Variants in TBCK observed in about 807,000 individuals in gnomAD.
TBCK encodes the protein TBC1 domain containing kinase.
A neutral mutation model predicts 113.4 loss-of-function variants in TBCK; 99 were observed. The ratio of observed to expected loss-of-function variants is 0.87; its 90% CI spans 0.74 to 1.03. TBCK has a LOEUF of 1.03. Ranked by LOEUF, TBCK falls within the 50% of genes least tolerant of loss-of-function variation. The probability of loss-of-function intolerance (pLI) is 0.00; values close to 1 mark genes in which losing one functional copy is unlikely to be tolerated. For synonymous variants in TBCK, 369 were observed against 370.8 expected, an observed-to-expected ratio of 1.00 and a Z score of 0.05; for missense variants, 1,045 against 1,061.3, an observed-to-expected ratio of 0.98 and a Z score of 0.21.
At chr4:106,061,773 C>T (rs535563797) in intron 25 of TBCK, among the ~76,000 whole-genome samples, 93 of 151,666 alleles carry the variant, frequency 6.1e-4, no homozygotes, top group African/African-American at 2.2e-3. Context: ...TTAATCACTC[C>T]TTTTATAGGA....
chr4:106,214,069 C>T lies in TBCK; in HGVS notation c.1775-1234G>A, dbSNP rs576146185. Reference sequence around the variant, plus strand: ...AAGTGGGTCCCTGACCCCTGACCCCCGAGCAGCCTAACTGGGAGGCACCCT... The same window carrying T: ...AAGTGGGTCCCTGACCCCTGACCCCTGAGCAGCCTAACTGGGAGGCACCCT... On this transcript the variant is annotated intron_variant, in intron 19 of 25. Transcript: ENST00000394708. 1.2e-3 allele frequency among the ~76,000 whole-genome samples: 186 copies of T among 152,164 alleles called. 1 individual carries two copies. The highest frequency in any genetic ancestry group is 4.1e-3 in the African/African-American group (170 of 41,488).
intron 19 of TBCK, among the ~76,000 whole-genome samples, chr4:106,224,380 C>T (rs1180116398): frequency 6.6e-6 from 1 of 151,644 alleles, no homozygotes; most frequent in Non-Finnish European, 1.5e-5. Context: ...TCCGGAAAGG[C>T]AATTCAAAGA....
At chr4:106,165,202 A>T (rs1213639872) in intron 23 of TBCK, among the ~76,000 whole-genome samples, 1 of 151,814 alleles carries the variant, frequency 6.6e-6, no homozygotes, top group East Asian at 1.9e-4. Context: ...TCAATCTATT[A>T]ACCAAGATTA....
chr4:106,115,487 T>C (rs191449907), intron 24 of TBCK, among the ~76,000 whole-genome samples: 1 of 152,182 alleles, frequency 6.6e-6, no homozygotes, highest in Non-Finnish European at 1.5e-5. Flanking sequence ...TCTGAACTTA[T>C]GAAGCAAATT....
intron 23 of TBCK, among the ~76,000 whole-genome samples, chr4:106,165,932 C>T (rs898763620): frequency 6.6e-6 from 1 of 151,694 alleles, no homozygotes; most frequent in Non-Finnish European, 1.5e-5. Context: ...ACAATAGATG[C>T]ATGCAGAAAT....
In TBCK at chr4:106,224,708, C is replaced by A. The variant is rs146408301; in HGVS notation, c.1774+5655G>T. 5.7e-3 allele frequency among the ~76,000 whole-genome samples: 865 copies of A among 152,268 alleles called. 10 individuals carry two copies. The highest frequency in any genetic ancestry group is 0.02 in the African/African-American group (835 of 41,554). On this transcript the variant is annotated intron_variant, in intron 19 of 25. Transcript: ENST00000394708. Reference sequence around the variant, plus strand: ...TTCAGCTCCTTCTTTAGCTTTCCATCTCTCTTTCCTACCCGACAGATCAGA... The same window carrying A: ...TTCAGCTCCTTCTTTAGCTTTCCATATCTCTTTCCTACCCGACAGATCAGA...
chr4:106,162,539 C>T (rs1221601366), intron 23 of TBCK, among the ~76,000 whole-genome samples: 6 of 152,146 alleles, frequency 3.9e-5, no homozygotes, highest in Non-Finnish European at 5.9e-5. Flanking sequence ...TAGGGCTCTG[C>T]CTCTCCAGCA....
intron 14 of TBCK, among the ~76,000 whole-genome samples, chr4:106,235,802 C>G (rs1321872562): frequency 2.0e-5 from 3 of 151,940 alleles, no homozygotes; most frequent in Non-Finnish European, 2.9e-5. Context: ...TAAATTTATA[C>G]TTTTATAAAT....
At chr4:106,240,463 T>C (rs1390948035) in intron 12 of TBCK, among the ~76,000 whole-genome samples, 1 of 151,918 alleles carries the variant, frequency 6.6e-6, no homozygotes, top group Non-Finnish European at 1.5e-5. Context: ...TAAAAAAGAA[T>C]AGGTTCAGCA....
At chr4:106,242,633 T>C (rs2150033226) in intron 11 of TBCK, 64 bp from the exon 12 acceptor site, 1 of 1,159,894 alleles carries the variant, frequency 8.6e-7, no homozygotes, top group Non-Finnish European at 1.2e-6. Flanking sequence ...TTCTAGAAAG[T>C]AAAGTTTATT....
upstream of TBCK, chr4:106,316,393 G>C (rs1768878090): frequency 2.8e-6 from 2 of 705,750 alleles, no homozygotes; most frequent in Non-Finnish European, 4.9e-6. Flanking sequence ...TGAGGGAATG[G>C]AAGACGAGGA....
intron 23 of TBCK, among the ~76,000 whole-genome samples, chr4:106,152,672 A>G (rs1301677530): frequency 6.6e-6 from 1 of 151,996 alleles, no homozygotes; most frequent in South Asian, 2.1e-4. Flanking sequence ...GTTCTCTTTA[A>G]ATGTTTGATA....
At chr4:106,211,142 G>A (rs149748765) in intron 20 of TBCK, among the ~76,000 whole-genome samples, 7 of 151,910 alleles carry the variant, frequency 4.6e-5, no homozygotes, top group African/African-American at 1.7e-4. Context: ...ATTTAATTAG[G>A]TGCCTTTACA....
chr4:106,249,409 T>G (rs116826562), intron 7 of TBCK, among the ~76,000 whole-genome samples: 43 of 152,270 alleles, frequency 2.8e-4, no homozygotes, highest in African/African-American at 1.0e-3. Context: ...GAAATCTGCA[T>G]GTATGTAGGA....
intron 19 of TBCK, 21 bp from the exon 20 acceptor site, chr4:106,212,856 A>G: frequency 6.6e-7 from 1 of 1,520,114 alleles, no homozygotes; most frequent in Non-Finnish European, 9.1e-7. Context: ...AAAGTTTGAG[A>G]CAATCATCAT....
At chr4:106,113,097 C>A (rs1363917482) in intron 24 of TBCK, among the ~76,000 whole-genome samples, 1 of 152,116 alleles carries the variant, frequency 6.6e-6, no homozygotes, top group Non-Finnish European at 1.5e-5. Context: ...GAGAGTCCAC[C>A]CGATATGTCA....
intron 2 of TBCK, among the ~76,000 whole-genome samples, chr4:106,297,297 T>C (rs1264448594): frequency 1.3e-5 from 2 of 152,214 alleles, no homozygotes; most frequent in Non-Finnish European, 2.9e-5. Context: ...CAACTTATAA[T>C]TTACTGTTAA....
At chr4:106,099,878 A>C (rs1741344727) in intron 24 of TBCK, among the ~76,000 whole-genome samples, 1 of 152,180 alleles carries the variant, frequency 6.6e-6, no homozygotes, top group South Asian at 2.1e-4. Context: ...AAGTGTTCTG[A>C]TTATTGTATC....
intron 23 of TBCK, among the ~76,000 whole-genome samples, chr4:106,122,293 T>G (rs1237016617): frequency 1.4e-4 from 21 of 150,218 alleles, no homozygotes; most frequent in South Asian, 8.4e-4. Flanking sequence ...GATAAATTCC[T>G]CGACACATAC....
Sources: allele counts gnomAD v4.1 joint callset (sites outside exome capture counted in the v4.1 genomes callset), GRCh38; gene constraint gnomAD v4.1.1; transcripts MANE v1.5; gene names NCBI Gene and HGNC (gene_info 2026-07-23, HGNC 2026-07-21).